Variants in FANK1 observed in about 807,000 individuals in gnomAD.
The protein encoded by FANK1 is fibronectin type III and ankyrin repeat domains 1.
A neutral mutation model predicts 45.3 loss-of-function variants in FANK1; 44 were observed. The observed-to-expected ratio is 0.97, with a 90% confidence interval of 0.76 to 1.25. The LOEUF (loss-of-function observed/expected upper bound fraction) is 1.25. FANK1 is among the 50% of genes most tolerant of loss of function. The pLI, the probability that FANK1 is intolerant of heterozygous loss-of-function variation, is 0.00. For synonymous variants in FANK1, 149 were observed against 152.5 expected (o/e 0.98, Z 0.17); for missense variants, 391 against 424.4 (o/e 0.92, Z 0.69).
chr10:126,002,775 T>TG (rs1952868678), intron 6 of FANK1, among the ~76,000 whole-genome samples: 1 of 151,046 alleles, frequency 6.6e-6, no homozygotes, highest in Non-Finnish European at 1.5e-5. Context: ...TTTTTTTTTT[T>TG]TTTTTTTTCA....
At chr10:125,992,329 C>T (rs1314675676) in intron 3 of FANK1, among the ~76,000 whole-genome samples, 2 of 152,188 alleles carry the variant, frequency 1.3e-5, no homozygotes, top group Non-Finnish European at 2.9e-5. Flanking sequence ...TTTCGTACCT[C>T]TGTTGCTTCA....
chr10:125,947,703 A>C (rs1467029003), intron 1 of FANK1, among the ~76,000 whole-genome samples: 5 of 147,748 alleles, frequency 3.4e-5, no homozygotes, highest in Admixed American at 6.7e-5. Flanking sequence ...TAGACAGATC[A>C]ACGAGACAGA....
chr10:125,911,613 C>A (rs952926773), intron 1 of FANK1, among the ~76,000 whole-genome samples: 2 of 152,228 alleles, frequency 1.3e-5, no homozygotes, highest in Non-Finnish European at 2.9e-5. Flanking sequence ...AAATCACTCT[C>A]CTCTAGACGG....
chr10:125,945,876 G>A (rs1412588012), intron 1 of FANK1, among the ~76,000 whole-genome samples: 1 of 152,174 alleles, frequency 6.6e-6, no homozygotes, highest in Non-Finnish European at 1.5e-5. Flanking sequence ...AGAGAGCAGT[G>A]GTTCTCCCAG....
At chr10:125,990,624 C>CT (rs994497760) in intron 3 of FANK1, among the ~76,000 whole-genome samples, 1 of 152,280 alleles carries the variant, frequency 6.6e-6, no homozygotes, top group African/African-American at 2.4e-5. Context: ...CTAGCATCCT[C>CT]TTAATAGCAC....
At chr10:125,948,351 A>G (rs1209765384) in intron 1 of FANK1, among the ~76,000 whole-genome samples, 3 of 152,336 alleles carry the variant, frequency 2.0e-5, no homozygotes, top group East Asian at 3.9e-4. Flanking sequence ...AAGGATCAAC[A>G]AAATTGATAG....
chr10:125,960,312 G>T, intron 1 of FANK1: 2 of 267,536 alleles, frequency 7.5e-6, no homozygotes, highest in Non-Finnish European at 1.5e-5. Flanking sequence ...CAGCTCTGCA[G>T]CTGCCTGAGA....
intron 1 of FANK1, among the ~76,000 whole-genome samples, chr10:125,927,085 T>C (rs1947400249): frequency 6.6e-6 from 1 of 152,122 alleles, no homozygotes; most frequent in African/African-American, 2.4e-5. Context: ...ATTACAGGCA[T>C]GAGCCACCGA....
intron 6 of FANK1, among the ~76,000 whole-genome samples, chr10:126,003,492 G>A (rs1277293663): frequency 6.6e-6 from 1 of 152,068 alleles, no homozygotes; most frequent in East Asian, 1.9e-4. Flanking sequence ...ACATCCATTG[G>A]GAGGCCTGTG....
At chr10:125,904,199 T>G (rs1272152971) in intron 1 of FANK1, among the ~76,000 whole-genome samples, 1 of 149,318 alleles carries the variant, frequency 6.7e-6, no homozygotes, top group Non-Finnish European at 1.5e-5. Flanking sequence ...AAGTCAATCA[T>G]TTTTTTAAAA....
At chr10:125,903,062 G>C (rs1171662469) in intron 1 of FANK1, among the ~76,000 whole-genome samples, 5 of 152,306 alleles carry the variant, frequency 3.3e-5, no homozygotes, top group Non-Finnish European at 5.9e-5. Flanking sequence ...CCACAGGAAG[G>C]GGCAAAACGA....
chr10:125,980,588 A>G, intron 2 of FANK1: 1 of 416,448 alleles, frequency 2.4e-6, no homozygotes, highest in South Asian at 2.9e-5. Flanking sequence ...TTTAAAATCC[A>G]GAATGTAGAG....
At chr10:125,920,604 TA>T (rs1296224994) in intron 1 of FANK1, among the ~76,000 whole-genome samples, 8 of 152,214 alleles carry the variant, frequency 5.3e-5, no homozygotes, top group Non-Finnish European at 1.0e-4. Context: ...TTGTTAAAAA[TA>T]ATGATCGTAG....
chr10:125,929,018 C>T (rs1303508840), intron 1 of FANK1, among the ~76,000 whole-genome samples: 2 of 152,076 alleles, frequency 1.3e-5, no homozygotes, highest in East Asian at 3.9e-4. Context: ...CCTGAAGGTT[C>T]GATAATTTGA....
Position 125,989,585 on chromosome 10 carries a change from A to T in FANK1, c.316+910A>T, listed in dbSNP as rs987378191. On this transcript the variant is annotated intron_variant, in intron 3 of 10. Coordinates refer to ENST00000368693, the MANE Select transcript of FANK1 (RefSeq NM_145235.5). ...TACCTTCAGTTGCAGACCTGGCATG[A>T]GGGGACAGGATCTGAGTTTAGCAAA... The T allele has an allele frequency of 1.5e-5, 10 of 687,716 alleles. No individual in the cohort carries two copies. The African/African-American group carries it at 1.8e-4, about 12-fold the overall frequency. 42.6% of individuals were successfully genotyped at this position (687,716 alleles called of 1,614,324 possible).
rs779057233 is a variant in FANK1, at chr10:125,996,653, CT to C, written c.473+31del. ...TGGCTCTTCTTTTTTTTAAATCTCT[CT>C]TGGGGATTTAACTTTTTATTTTATT... On this transcript the variant is annotated intron_variant, in intron 5 of 10. Coordinates refer to ENST00000368693, the MANE Select transcript of FANK1 (RefSeq NM_145235.5). 3 of 1,599,110 alleles carry C rather than the reference CT, an allele frequency of 1.9e-6. No individual in the cohort carries two copies. In the Admixed American group the frequency reaches 5.1e-5, roughly 27 times the overall value.
At chr10:125,942,933 C>T (rs755152523) in intron 1 of FANK1, among the ~76,000 whole-genome samples, 2 of 151,692 alleles carry the variant, frequency 1.3e-5, no homozygotes, top group African/African-American at 4.8e-5. Context: ...CCTGCCTCAG[C>T]CTCCTGAGTA....
At chr10:125,969,279 T>C (rs966436309) in intron 1 of FANK1, among the ~76,000 whole-genome samples, 1 of 151,890 alleles carries the variant, frequency 6.6e-6, no homozygotes, top group Non-Finnish European at 1.5e-5. Flanking sequence ...TTTAGAAAAG[T>C]TAAAATAAAA....
Position 125,995,300 on chromosome 10 carries a change from AG to A in FANK1, c.317-115del, listed in dbSNP as rs563326554. The A allele has an allele frequency of 2.0e-4, 175 of 857,664 alleles. No individual in the cohort carries two copies. In the East Asian group the frequency reaches 3.8e-3, roughly 19 times the overall value. The allele number at this position is 857,664 out of a possible 1,614,324, so 53.1% of individuals were successfully genotyped here. ...GTAGGAAATGTAAGATATACTTAAC[AG>A]GAATAGCCAAGCGCCTTCCTGAAGA... On this transcript the variant is annotated intron_variant, in intron 3 of 10. Transcript: ENST00000368693.
Sources: gnomAD v4.1 joint callset for allele counts (sites outside exome capture counted in the v4.1 genomes callset) on GRCh38, gnomAD v4.1.1 for gene constraint, MANE v1.5 for transcripts, NCBI Gene and HGNC (gene_info 2026-07-23, HGNC 2026-07-21) for gene names.